NRG1: variants seen among roughly 807,000 people sequenced by gnomAD.
NRG1 encodes the protein neuregulin 1.
In NRG1, 18 loss-of-function variants were observed where a neutral mutation model predicts 63.8. The observed-to-expected ratio is 0.28, with a 90% confidence interval of 0.19 to 0.42. The LOEUF (loss-of-function observed/expected upper bound fraction) is 0.42. Among genes scored for constraint, NRG1 ranks in the 10% least tolerant of loss-of-function variants. The pLI is 1.00. For synonymous variants in NRG1, 302 were observed against 301.3 expected, an observed-to-expected ratio of 1.00 and a Z score of -0.02; for missense variants, 762 against 814.7, an observed-to-expected ratio of 0.94 and a Z score of 0.79.
chr8:32,022,021 G>A (rs1470981735), intron 1 of NRG1, among the ~76,000 whole-genome samples: 2 of 152,088 alleles, frequency 1.3e-5, no homozygotes, highest in African/African-American at 2.4e-5. Flanking sequence ...ATTTGGGTCT[G>A]AGCACTTTTA....
At chr8:32,117,150 CACAA>C (rs1163803250) in intron 1 of NRG1, among the ~76,000 whole-genome samples, 1 of 151,714 alleles carries the variant, frequency 6.6e-6, no homozygotes, top group Non-Finnish European at 1.5e-5. Context: ...TCAAAAGACA[CACAA>C]ACAAAAAAAT....
intron 1 of NRG1, among the ~76,000 whole-genome samples, chr8:31,954,554 G>T (rs1408258242): frequency 6.6e-6 from 1 of 152,132 alleles, no homozygotes; most frequent in Non-Finnish European, 1.5e-5. Context: ...GTATAGCATG[G>T]TTAACCCTTG....
downstream of NRG1, among the ~76,000 whole-genome samples, chr8:32,772,011 G>T (rs1831839168): frequency 9.1e-6 from 1 of 109,682 alleles, no homozygotes; most frequent in Admixed American, 1.0e-4. Context: ...TGACAAGAGT[G>T]AAACTCCGTC....
chr8:32,025,524 G>A (rs1817111959), intron 1 of NRG1, among the ~76,000 whole-genome samples: 1 of 152,014 alleles, frequency 6.6e-6, no homozygotes, highest in African/African-American at 2.4e-5. Context: ...AGGAACTATT[G>A]ACCTCAAATA....
intron 1 of NRG1, among the ~76,000 whole-genome samples, chr8:32,309,531 C>G (rs996440455): frequency 1.3e-5 from 2 of 152,168 alleles, no homozygotes; most frequent in African/African-American, 4.8e-5. Flanking sequence ...TGCCTGGTGT[C>G]GATTTGGTTT....
At position 32,330,796 on chromosome 8, in the gene NRG1, C is replaced by T. The variant is rs565625880; in HGVS notation, c.38-265032C>T. 4.5e-4 allele frequency among the ~76,000 whole-genome samples: 68 copies of T among 152,314 alleles called. No individual in the cohort carries two copies. The South Asian group carries it at 0.014, about 31-fold the overall frequency. ...GGGCCACGGACCATGGCACTCACTGCCATATTCACAGCGTCGTTTTCAGTG... is the reference window on the plus strand; with the variant it reads ...GGGCCACGGACCATGGCACTCACTGTCATATTCACAGCGTCGTTTTCAGTG... On this transcript the variant is annotated intron_variant, in intron 1 of 10. Transcript: ENST00000519301.
intron 1 of NRG1, among the ~76,000 whole-genome samples, chr8:31,718,112 A>AT (rs1812542785): frequency 6.6e-6 from 1 of 152,098 alleles, no homozygotes; most frequent in Non-Finnish European, 1.5e-5. Context: ...GCTGAGGATC[A>AT]TTTTTTTGTA....
At chr8:32,325,259 G>C (rs1233850086) in intron 1 of NRG1, among the ~76,000 whole-genome samples, 1 of 152,140 alleles carries the variant, frequency 6.6e-6, no homozygotes, top group Non-Finnish European at 1.5e-5. Context: ...ACTTTTAAAG[G>C]GTCAGGTAAA....
At chr8:32,759,822 C>T (rs949342683) in intron 10 of NRG1, among the ~76,000 whole-genome samples, 2 of 152,062 alleles carry the variant, frequency 1.3e-5, no homozygotes, top group Non-Finnish European at 1.5e-5. Context: ...CCTGGTGATC[C>T]CCACCTGAGT....
intron 1 of NRG1, among the ~76,000 whole-genome samples, chr8:32,073,317 G>T (rs750745340): frequency 6.6e-6 from 1 of 152,184 alleles, no homozygotes; most frequent in Non-Finnish European, 1.5e-5. Flanking sequence ...ATAAGGGGAA[G>T]TTGGAACCGA....
chr8:32,100,272 T>C (rs1830404776), intron 1 of NRG1, among the ~76,000 whole-genome samples: 1 of 152,206 alleles, frequency 6.6e-6, no homozygotes, highest in South Asian at 2.1e-4. Context: ...GTGGGCAGGA[T>C]TGTTAAGTGG....
intron 1 of NRG1, among the ~76,000 whole-genome samples, chr8:32,236,642 C>A (rs557604946): frequency 1.3e-5 from 2 of 152,102 alleles, no homozygotes; most frequent in African/African-American, 2.4e-5. Flanking sequence ...TCAGCTTACT[C>A]GTTGCTCAAA....
At chr8:32,015,587 A>C (rs1275960641) in intron 1 of NRG1, among the ~76,000 whole-genome samples, 1 of 152,160 alleles carries the variant, frequency 6.6e-6, no homozygotes, top group Non-Finnish European at 1.5e-5. Context: ...ATGGTAGTGC[A>C]ACCCCCAACC....
chr8:32,695,695 T>C (rs939455439), intron 5 of NRG1, among the ~76,000 whole-genome samples: 3 of 152,230 alleles, frequency 2.0e-5, no homozygotes, highest in Admixed American at 2.0e-4. Flanking sequence ...TGTGTGGGTC[T>C]ACAGATTCAT....
rs555127426 is a variant in NRG1 at position 32,199,842 on chromosome 8, C to G, written c.38-395986C>G. On this transcript the variant is annotated intron_variant, in intron 1 of 10. Coordinates refer to the NRG1 transcript ENST00000519301. ...TTGCCCATGCTGGAGTGCAATGACACGATCTTAGTTCACTGCAACCTCCGC... is the reference window on the plus strand; with the variant it reads ...TTGCCCATGCTGGAGTGCAATGACAGGATCTTAGTTCACTGCAACCTCCGC... 3.9e-5 allele frequency among the ~76,000 whole-genome samples: 6 copies of G among 152,146 alleles called. No homozygotes were observed. The East Asian group carries it at 1.2e-3, about 29-fold the overall frequency.
intron 1 of NRG1, chr8:32,063,031 G>A (rs757969155): frequency 6.6e-6 from 1 of 152,036 alleles, no homozygotes; most frequent in Non-Finnish European, 1.5e-5. Flanking sequence ...TATGAATTTT[G>A]GCACTTTTGT....
At chr8:32,324,136 A>G (rs1446064097) in intron 1 of NRG1, among the ~76,000 whole-genome samples, 4 of 152,070 alleles carry the variant, frequency 2.6e-5, no homozygotes, top group Non-Finnish European at 4.4e-5. Flanking sequence ...GTATTATTCA[A>G]CCAGACTTCT....
chr8:32,763,939 G>A (rs1005912706), exon 12 of NRG1: 19 of 1,613,822 alleles, frequency 1.2e-5, no homozygotes, highest in African/African-American at 6.7e-5. Flanking sequence ...CCAAGGCTGC[G>A]GGAGAAGAAG....
chr8:32,344,415 A>G (rs1163122357), intron 1 of NRG1, among the ~76,000 whole-genome samples: 1 of 23,526 alleles, frequency 4.3e-5, no homozygotes, highest in Admixed American at 3.8e-4. Context: ...GCATGCGTGC[A>G]TGCATGTGTG....
Sources: allele counts gnomAD v4.1 joint callset (sites outside exome capture counted in the v4.1 genomes callset), GRCh38; gene constraint gnomAD v4.1.1; transcripts MANE v1.5; gene names NCBI Gene and HGNC (gene_info 2026-07-23, HGNC 2026-07-21).